TOM1: variants seen among roughly 807,000 people sequenced by gnomAD.
The protein encoded by TOM1 is target of myb1 membrane trafficking protein.
TOM1 carries 38 observed loss-of-function variants against 61.3 expected under a neutral mutation model. The ratio of observed to expected loss-of-function variants is 0.62; its 90% CI spans 0.48 to 0.81. The LOEUF is 0.81. Among genes scored for constraint, TOM1 ranks in the 40% least tolerant of loss-of-function variants. The probability of loss-of-function intolerance (pLI) is 0.00; values close to 1 mark genes in which losing one functional copy is unlikely to be tolerated. For synonymous variants in TOM1, 270 were observed against 268.8 expected, an observed-to-expected ratio of 1.00 and a Z score of -0.04; for missense variants, 591 against 659.6, an observed-to-expected ratio of 0.90 and a Z score of 1.14.
At chr22:35,333,281 G>C in intron 9 of TOM1, 123 bp from the exon 10 acceptor site, 1 of 945,894 alleles carries the variant, frequency 1.1e-6, no homozygotes, top group South Asian at 1.5e-5. Flanking sequence ...CTGATGCCCA[G>C]TCCTAGCTCC....
At chr22:35,338,878 C>T (rs1263320300) in intron 12 of TOM1, 90 bp downstream of exon 12, 8 of 1,238,676 alleles carry the variant, frequency 6.5e-6, no homozygotes, top group African/African-American at 1.5e-5. Context: ...GGGCCAAGCA[C>T]TGGCCCAGCA....
chr22:35,341,861 C>T (rs912793244), intron 12 of TOM1, among the ~76,000 whole-genome samples: 27 of 152,166 alleles, frequency 1.8e-4, no homozygotes, highest in Admixed American at 1.7e-3. Flanking sequence ...TCTGCCAAAT[C>T]AGGGTATGAT....
chr22:35,303,232 C>T (rs952982303), intron 1 of TOM1, among the ~76,000 whole-genome samples: 1 of 152,090 alleles, frequency 6.6e-6, no homozygotes, highest in African/African-American at 2.4e-5. Context: ...CTTCAAAGTA[C>T]AGGGCATCAT....
At position 35,307,798 on chromosome 22, in the gene TOM1, A is replaced by G. The variant is rs565124128; in HGVS notation, c.52+7818A>G. Reference sequence around the variant, plus strand: ...ACAGACAGAGAATTTAGGGACAGACAGAGGGGTCTACTGTTTGAACTTGTT... The same window carrying G: ...ACAGACAGAGAATTTAGGGACAGACGGAGGGGTCTACTGTTTGAACTTGTT... On this transcript the variant is annotated intron_variant, in intron 1 of 14. Transcript: ENST00000449058. Among the ~76,000 whole-genome samples, 41 of 152,338 alleles carry G rather than the reference A, an allele frequency of 2.7e-4. No homozygotes were observed. The South Asian group carries it at 7.3e-3, about 27-fold the overall frequency.
At chr22:35,320,595 C>T (rs535269762) in intron 2 of TOM1, among the ~76,000 whole-genome samples, 3 of 152,264 alleles carry the variant, frequency 2.0e-5, no homozygotes, top group South Asian at 2.1e-4. Context: ...CCCCCACTCC[C>T]CCCAGGTGGT....
chr22:35,330,657 C>T (rs1292289294), intron 8 of TOM1, among the ~76,000 whole-genome samples, 177 bp downstream of exon 8: 1 of 152,188 alleles, frequency 6.6e-6, no homozygotes, highest in Non-Finnish European at 1.5e-5. Flanking sequence ...TTTATGAGGG[C>T]CCCTCCTTCC....
chr22:35,312,117 C>T (rs574232558), intron 1 of TOM1, among the ~76,000 whole-genome samples: 7 of 152,042 alleles, frequency 4.6e-5, no homozygotes, highest in African/African-American at 1.4e-4. Context: ...ATTAGGCGGG[C>T]GCCTGTAATC....
chr22:35,337,409 C>T (rs1358572968), intron 11 of TOM1, among the ~76,000 whole-genome samples: 3 of 152,234 alleles, frequency 2.0e-5, no homozygotes, highest in African/African-American at 7.2e-5. Flanking sequence ...CGCCCCACCT[C>T]CCCCGCCACT....
At chr22:35,312,034 C>T (rs1056976220) in intron 1 of TOM1, among the ~76,000 whole-genome samples, 1 of 152,052 alleles carries the variant, frequency 6.6e-6, no homozygotes, top group African/African-American at 2.4e-5. Flanking sequence ...GCGGGTGGAT[C>T]ACAAGGTCAG....
At chr22:35,344,030 T>C (rs1930279762) in intron 12 of TOM1, among the ~76,000 whole-genome samples, 1 of 147,482 alleles carries the variant, frequency 6.8e-6, no homozygotes, top group South Asian at 2.2e-4. Flanking sequence ...CCTACACTCA[T>C]ACACCTACAT....
intron 1 of TOM1, among the ~76,000 whole-genome samples, chr22:35,315,349 G>A (rs1046252311): frequency 6.6e-6 from 1 of 152,138 alleles, no homozygotes; most frequent in African/African-American, 2.4e-5. Context: ...TGTGGCAGAG[G>A]AGCAGGTTCT....
intron 1 of TOM1, among the ~76,000 whole-genome samples, chr22:35,316,830 T>G (rs1037987468): frequency 1.3e-5 from 2 of 152,234 alleles, no homozygotes; most frequent in African/African-American, 4.8e-5. Context: ...GTGTTTATTT[T>G]GGGCCCGTAC....
chr22:35,316,297 C>A (rs1298083548), intron 1 of TOM1, among the ~76,000 whole-genome samples: 1 of 152,250 alleles, frequency 6.6e-6, no homozygotes, highest in Admixed American at 6.5e-5. Context: ...ACAATACATA[C>A]CAGCCAGAGT....
At chr22:35,324,868 G>C (rs544562698) in intron 6 of TOM1, among the ~76,000 whole-genome samples, 1 of 152,236 alleles carries the variant, frequency 6.6e-6, no homozygotes, top group Non-Finnish European at 1.5e-5. Flanking sequence ...TTGAGGCTTA[G>C]TATGAGATTC....
At chr22:35,318,843 G>C (rs1024713757) in intron 2 of TOM1, among the ~76,000 whole-genome samples, 6 of 152,242 alleles carry the variant, frequency 3.9e-5, no homozygotes, top group Admixed American at 3.3e-4. Context: ...TCCCTCTCCA[G>C]TTCTCACTGG....
chr22:35,310,819 A>G (rs1449357651), intron 1 of TOM1, among the ~76,000 whole-genome samples: 1 of 152,084 alleles, frequency 6.6e-6, no homozygotes, highest in East Asian at 1.9e-4. Context: ...GAGCTCACAG[A>G]CTCCTGGGAG....
At chr22:35,300,299 A>G (rs987537013) in intron 1 of TOM1, among the ~76,000 whole-genome samples, 1 of 152,212 alleles carries the variant, frequency 6.6e-6, no homozygotes, top group South Asian at 2.1e-4. Flanking sequence ...GGTTAAAGGG[A>G]CTGCGTGGTT....
chr22:35,333,052 T>C, intron 9 of TOM1, 38 bp downstream of exon 9: 1 of 1,610,696 alleles, frequency 6.2e-7, no homozygotes, highest in Non-Finnish European at 8.5e-7. Flanking sequence ...TCAGGCCCTG[T>C]TCATGGGAAG....
chr22:35,320,189 G>A (rs962018112), intron 2 of TOM1, among the ~76,000 whole-genome samples: 1 of 152,232 alleles, frequency 6.6e-6, no homozygotes, highest in Non-Finnish European at 1.5e-5. Flanking sequence ...ATGTGGCATG[G>A]CAGAACAGGC....
Sources: gnomAD v4.1 joint callset for allele counts (sites outside exome capture counted in the v4.1 genomes callset) on GRCh38, gnomAD v4.1.1 for gene constraint, MANE v1.5 for transcripts, NCBI Gene and HGNC (gene_info 2026-07-23, HGNC 2026-07-21) for gene names.